CTNND2: variants seen among roughly 807,000 people sequenced by gnomAD.
CTNND2 encodes catenin delta 2, also known as catenin delta-2.
In CTNND2, 22 loss-of-function variants were observed where a neutral mutation model predicts 144.4. The ratio of observed to expected loss-of-function variants is 0.15; its 90% confidence interval spans 0.11 to 0.22. CTNND2 has a LOEUF of 0.22. CTNND2 is among the 10% of genes least tolerant of loss of function. CTNND2 has a pLI of 1.00. For missense variants in CTNND2, 1,353 were observed against 1,618.8 expected, an observed-to-expected ratio of 0.84 and a Z score of 2.82; for synonymous variants, 751 against 695.6, an observed-to-expected ratio of 1.08 and a Z score of -1.25.
chr5:11,517,620 G>C (rs1000885002), intron 3 of CTNND2, among the ~76,000 whole-genome samples: 1 of 151,670 alleles, frequency 6.6e-6, no homozygotes, highest in Non-Finnish European at 1.5e-5. Context: ...GGGGCCTCTC[G>C]GGGGTGTAGG....
At chr5:11,284,532 T>C (rs561788151) in intron 9 of CTNND2, among the ~76,000 whole-genome samples, 16 of 152,286 alleles carry the variant, frequency 1.1e-4, no homozygotes, top group African/African-American at 3.8e-4. Context: ...TCTGTTCCTG[T>C]GTTAATTTGC....
At chr5:11,410,623 C>A (rs1360474359) in intron 5 of CTNND2, among the ~76,000 whole-genome samples, 2 of 151,992 alleles carry the variant, frequency 1.3e-5, no homozygotes, top group African/African-American at 4.8e-5. Context: ...AACTCCTAAT[C>A]CACAACCATT....
intron 12 of CTNND2, among the ~76,000 whole-genome samples, chr5:11,147,834 C>A (rs921888239): frequency 5.9e-5 from 9 of 152,164 alleles, no homozygotes; most frequent in Non-Finnish European, 1.0e-4. Context: ...ACCATACAAT[C>A]CATCAATTCT....
chr5:11,450,906 A>G (rs1289021666), intron 3 of CTNND2, among the ~76,000 whole-genome samples: 1 of 148,940 alleles, frequency 6.7e-6, no homozygotes, highest in African/African-American at 2.4e-5. Flanking sequence ...CTCAAAAAAA[A>G]AAAAAAAAAA....
At chr5:11,133,648 G>A (rs1172580048) in intron 12 of CTNND2, among the ~76,000 whole-genome samples, 1 of 152,120 alleles carries the variant, frequency 6.6e-6, no homozygotes, top group African/African-American at 2.4e-5. Flanking sequence ...CACCACGCCT[G>A]GCCTATTCTT....
chr5:11,246,447 AG>A (rs977095443), intron 9 of CTNND2, among the ~76,000 whole-genome samples: 1 of 152,080 alleles, frequency 6.6e-6, no homozygotes, highest in African/African-American at 2.4e-5. Flanking sequence ...AGAGGAAGGC[AG>A]GGGCTGGAGT....
At chr5:11,224,512 T>C (rs1740122166) in intron 10 of CTNND2, among the ~76,000 whole-genome samples, 1 of 152,206 alleles carries the variant, frequency 6.6e-6, no homozygotes, top group Non-Finnish European at 1.5e-5. Flanking sequence ...CATGACAAGA[T>C]TCCATATCTT....
chr5:11,075,250 T>C (rs1332547904), intron 16 of CTNND2, among the ~76,000 whole-genome samples: 1 of 152,078 alleles, frequency 6.6e-6, no homozygotes, highest in Non-Finnish European at 1.5e-5. Context: ...GAAAGTCAGA[T>C]CCCATCTTGT....
At chr5:11,083,109 A>G (rs1749764419) in intron 15 of CTNND2, among the ~76,000 whole-genome samples, 1 of 152,216 alleles carries the variant, frequency 6.6e-6, no homozygotes, top group Non-Finnish European at 1.5e-5. Flanking sequence ...CAGTACTTGA[A>G]GTTGAAAGCC....
intron 3 of CTNND2, among the ~76,000 whole-genome samples, chr5:11,412,570 C>T (rs185479305): frequency 6.6e-6 from 1 of 152,160 alleles, no homozygotes; most frequent in East Asian, 1.9e-4. Flanking sequence ...TAACACTTTA[C>T]CACCAACTAA....
chr5:11,814,648 T>C (rs1193756500), intron 1 of CTNND2, among the ~76,000 whole-genome samples: 2 of 152,336 alleles, frequency 1.3e-5, no homozygotes, highest in East Asian at 1.9e-4. Flanking sequence ...TTCAATGATT[T>C]CCAAGCTGCA....
intron 1 of CTNND2, among the ~76,000 whole-genome samples, chr5:11,770,931 G>A (rs534059537): frequency 6.6e-6 from 1 of 152,162 alleles, no homozygotes; most frequent in African/African-American, 2.4e-5. Flanking sequence ...GTTGCTTTCT[G>A]ATACTCAGCT....
At chr5:11,807,572 A>G (rs1476533505) in intron 1 of CTNND2, among the ~76,000 whole-genome samples, 5 of 152,202 alleles carry the variant, frequency 3.3e-5, no homozygotes, top group Non-Finnish European at 4.4e-5. Context: ...ATTATGATCA[A>G]CGTGGTAGAA....
At chr5:11,536,656 G>C (rs1236873087) in intron 3 of CTNND2, among the ~76,000 whole-genome samples, 1 of 152,066 alleles carries the variant, frequency 6.6e-6, no homozygotes, top group African/African-American at 2.4e-5. Flanking sequence ...GTTCTCACTT[G>C]CAAGTTGGAG....
intron 3 of CTNND2, among the ~76,000 whole-genome samples, chr5:11,475,452 A>T (rs1581276447): frequency 6.6e-6 from 1 of 152,206 alleles, no homozygotes; most frequent in African/African-American, 2.4e-5. Flanking sequence ...TTTATTATGT[A>T]CCTAATTTGA....
chr5:11,808,665 T>C (rs1335416910), intron 1 of CTNND2, among the ~76,000 whole-genome samples: 2 of 152,166 alleles, frequency 1.3e-5, no homozygotes, highest in Admixed American at 6.6e-5. Flanking sequence ...TTCTTCTCTC[T>C]ACCACAGGCA....
intron 1 of CTNND2, among the ~76,000 whole-genome samples, chr5:11,770,104 G>C (rs971984963): frequency 2.6e-5 from 4 of 152,190 alleles, no homozygotes; most frequent in Admixed American, 2.6e-4. Context: ...GTGAAGAGGA[G>C]TAGAAGCTTT....
chr5:11,209,435 G>A (rs1277421319), intron 10 of CTNND2, among the ~76,000 whole-genome samples: 1 of 152,170 alleles, frequency 6.6e-6, no homozygotes, highest in Non-Finnish European at 1.5e-5. Flanking sequence ...AGAATTACAA[G>A]CCAATGTTAA....
intron 1 of CTNND2, among the ~76,000 whole-genome samples, chr5:11,794,652 T>C (rs1313056575): frequency 6.6e-6 from 1 of 152,242 alleles, no homozygotes; most frequent in African/African-American, 2.4e-5. Context: ...GACTGTAAGA[T>C]GATTAGTTGC....
Sources: gnomAD v4.1 joint callset for allele counts (sites outside exome capture counted in the v4.1 genomes callset) on GRCh38, gnomAD v4.1.1 for gene constraint, MANE v1.5 for transcripts, NCBI Gene and HGNC (gene_info 2026-07-23, HGNC 2026-07-21) for gene names.